METTL6: variants seen among roughly 807,000 people sequenced by gnomAD.
METTL6 encodes the protein methyltransferase 6, tRNA N3-cytidine, also known as tRNA N(3)-cytidine methyltransferase METTL6.
A neutral mutation model predicts 26.4 loss-of-function variants in METTL6; 22 were observed. The ratio of observed to expected loss-of-function variants is 0.83; its 90% CI spans 0.59 to 1.19. The LOEUF (loss-of-function observed/expected upper bound fraction) is 1.19, where lower values mean the gene tolerates loss of function less well. METTL6 is among the 50% of genes most tolerant of loss of function. The probability of loss-of-function intolerance (pLI) is 0.00; values close to 1 mark genes in which losing one functional copy is unlikely to be tolerated. For synonymous variants in METTL6, 109 were observed against 116.2 expected (o/e 0.94, Z 0.40); for missense variants, 304 against 324.8 (o/e 0.94, Z 0.49).
intron 3 of METTL6, among the ~76,000 whole-genome samples, chr3:15,418,064 C>T (rs1429684525): frequency 6.6e-6 from 1 of 152,202 alleles, no homozygotes; most frequent in Non-Finnish European, 1.5e-5. Flanking sequence ...CAACAGACTT[C>T]AAACAACAGC....
Position 15,410,849 on chromosome 3 carries a change from C to A in METTL6, c.*407G>T, listed in dbSNP as rs111845090. Among the ~76,000 whole-genome samples, 7 of 152,118 alleles carry A rather than the reference C, an allele frequency of 4.6e-5. No homozygotes were observed. Among genetic ancestry groups the A allele is most frequent in the African/African-American group, 1.7e-4 (7 of 41,502 alleles). ...TCACACACCACTGCACTCCAGCCTG[C>A]GTACCACAAGATCCTGTCTCAAAAA... On this transcript the variant is annotated 3_prime_UTR_variant, in exon 6 of 6. Coordinates refer to ENST00000383790, the MANE Select transcript of METTL6 (RefSeq NM_152396.4).
chr3:15,414,623 G>T, intron 4 of METTL6: 2 of 281,164 alleles, frequency 7.1e-6, no homozygotes, highest in Non-Finnish European at 1.4e-5. Context: ...CCAAAGTTGG[G>T]ATTACAGGCG....
intron 3 of METTL6, among the ~76,000 whole-genome samples, chr3:15,419,736 T>G (rs1269645173): frequency 6.6e-6 from 1 of 152,186 alleles, no homozygotes; most frequent in African/African-American, 2.4e-5. Flanking sequence ...CTTCCATTAT[T>G]CATCACAGAC....
At chr3:15,397,277 C>G (rs1699515123) in intron 6 of METTL6, among the ~76,000 whole-genome samples, 1 of 152,248 alleles carries the variant, frequency 6.6e-6, no homozygotes, top group African/African-American at 2.4e-5. Context: ...GTAGGACCCT[C>G]CGAGCCAGGC....
At chr3:15,407,126 C>G (rs573108675), downstream of METTL6, among the ~76,000 whole-genome samples, 1 of 152,142 alleles carries the variant, frequency 6.6e-6, no homozygotes, top group Non-Finnish European at 1.5e-5. Flanking sequence ...AAGTGAGCCT[C>G]GGCCTCTCAA....
intron 3 of METTL6, among the ~76,000 whole-genome samples, chr3:15,417,516 T>C (rs549699839): frequency 6.6e-5 from 10 of 151,502 alleles, no homozygotes; most frequent in Admixed American, 2.6e-4. Context: ...AAGGAGAAGA[T>C]ACACTACTGG....
Position 15,411,217 on chromosome 3 carries a change from C to T in METTL6, c.*39G>A. On this transcript the variant is annotated 3_prime_UTR_variant, in exon 6 of 6. Coordinates refer to ENST00000383790, the MANE Select transcript of METTL6 (RefSeq NM_152396.4). ...GACGAAAGAGTGATTTTAAATTTTCCTCTTCAAGGGAAGGTATAAATGCCA... is the reference window on the plus strand; with the variant it reads ...GACGAAAGAGTGATTTTAAATTTTCTTCTTCAAGGGAAGGTATAAATGCCA... 4 of 1,577,506 alleles carry T rather than the reference C, an allele frequency of 2.5e-6. No homozygotes were observed. The highest frequency in any genetic ancestry group is 3.4e-6 in the Non-Finnish European group (4 of 1,164,202).
chr3:15,397,207 C>T (rs1699512812), intron 6 of METTL6, among the ~76,000 whole-genome samples: 1 of 152,224 alleles, frequency 6.6e-6, no homozygotes, highest in African/African-American at 2.4e-5. Flanking sequence ...CCCAGCCTCA[C>T]TGCTGCCTTG....
rs1163660328 is a variant in METTL6 at position 15,411,310 on chromosome 3, T to C, written c.801A>G (p.Leu267=). ...VPRVFLQSKF[L]KPPKNPSPVV... is the part of the protein sequence containing the mutation. ...CAGGAGATGGGTTCTTAGGAGGCTT[T>C]AGAAATTTGCTCTGAAGGAAAACTC... Residue 267 remains leucine, a synonymous_variant, in exon 6 of 6, where the codon CTA becomes CTG. Transcript: ENST00000383790. The C allele has an allele frequency of 1.2e-6, 2 of 1,614,238 alleles. No individual in the cohort carries two copies. The highest frequency in any genetic ancestry group is 1.7e-5 in the Admixed American group (1 of 60,028).
At chr3:15,412,892 C>T (rs765910385) in intron 5 of METTL6, among the ~76,000 whole-genome samples, 6 of 152,068 alleles carry the variant, frequency 3.9e-5, no homozygotes, top group Non-Finnish European at 7.4e-5. Flanking sequence ...AGACTATGTT[C>T]AAGACACCTA....
chr3:15,401,124 C>T (rs1443074103), intron 6 of METTL6, among the ~76,000 whole-genome samples: 1 of 151,996 alleles, frequency 6.6e-6, no homozygotes, highest in African/African-American at 2.4e-5. Context: ...ACTGCAAGCT[C>T]CACCTTCCGG....
rs777439469 is a variant in METTL6, at chr3:15,426,330, T to G, written c.182A>C (p.His61Pro). The G allele has an allele frequency of 9.9e-6, 16 of 1,614,148 alleles. No individual in the cohort carries two copies. In the South Asian group the frequency reaches 1.8e-4, roughly 18 times the overall value. The change falls in exon 2 of 6, where the codon CAC (histidine) becomes CCC (proline). Residue 61 changes from histidine (H) to proline (P), a missense_variant. Coordinates refer to ENST00000383790, the MANE Select transcript of METTL6 (RefSeq NM_152396.4). ...CTCCTCAAACTCTCTGGTGGTCCAG[T>G]GTCTGTCTTTGAAGAAATTAGTGCT... is the stretch of plus-strand genomic sequence containing the variant. ...RNSTNFFKDRHWTTREFEELR... is the reference protein window; with the variant it reads ...RNSTNFFKDRPWTTREFEELR...
intron 4 of METTL6, chr3:15,415,054 A>ACAAC: frequency 2.2e-6 from 2 of 917,396 alleles, no homozygotes; most frequent in Non-Finnish European, 2.8e-6. Flanking sequence ...AAACAAACAA[A>ACAAC]CAAACAAACA....
exon 7 of METTL6, chr3:15,384,177 T>C (rs1421215056): frequency 2.6e-6 from 1 of 379,624 alleles, no homozygotes; most frequent in Non-Finnish European, 5.0e-6. Flanking sequence ...TTCCAGACTT[T>C]TGTTTGAGAC....
intron 5 of METTL6, among the ~76,000 whole-genome samples, chr3:15,411,660 G>A (rs551662445): frequency 6.6e-6 from 1 of 151,754 alleles, no homozygotes; most frequent in Non-Finnish European, 1.5e-5. Flanking sequence ...CAAGGTGAAG[G>A]ACAACCTGGT....
chr3:15,386,402 A>G (rs951407667), intron 6 of METTL6, among the ~76,000 whole-genome samples: 5 of 152,186 alleles, frequency 3.3e-5, no homozygotes, highest in Admixed American at 2.0e-4. Context: ...CAACTTTTAG[A>G]GCAGGAATGA....
downstream of METTL6, among the ~76,000 whole-genome samples, chr3:15,409,687 C>T (rs149068374): frequency 3.6e-3 from 546 of 152,226 alleles, 7 homozygotes; most frequent in South Asian, 0.012. Context: ...CTCTCTCCCC[C>T]CCAGGGCAAA....
downstream of METTL6, among the ~76,000 whole-genome samples, chr3:15,407,878 A>G (rs1481011427): frequency 1.3e-5 from 2 of 152,162 alleles, no homozygotes; most frequent in Non-Finnish European, 2.9e-5. Context: ...GGTTCCTTAG[A>G]TCTCCAGATT....
intron 6 of METTL6, among the ~76,000 whole-genome samples, chr3:15,395,678 C>A (rs914633418): frequency 5.3e-5 from 8 of 152,046 alleles, no homozygotes; most frequent in Non-Finnish European, 8.8e-5. Context: ...TTCAGGAGTT[C>A]TTTTAGGGCA....
Sources: gnomAD v4.1 joint callset for allele counts (sites outside exome capture counted in the v4.1 genomes callset) on GRCh38, gnomAD v4.1.1 for gene constraint, MANE v1.5 for transcripts, NCBI Gene and HGNC (gene_info 2026-07-23, HGNC 2026-07-21) for gene names.